MACROD2: variants seen among roughly 807,000 people sequenced by gnomAD.
MACROD2 encodes the protein mono-ADP ribosylhydrolase 2.
A neutral mutation model predicts 70.4 loss-of-function variants in MACROD2; 36 were observed. The ratio of observed to expected loss-of-function variants is 0.51; its 90% CI spans 0.39 to 0.68. The LOEUF is 0.68. Ranked by LOEUF, MACROD2 falls within the 30% of genes least tolerant of loss-of-function variation. MACROD2 has a pLI of 0.00. For synonymous variants in MACROD2, 172 were observed against 178.8 expected (o/e 0.96, Z 0.30); for missense variants, 496 against 538.4 (o/e 0.92, Z 0.78).
intron 10 of MACROD2, among the ~76,000 whole-genome samples, chr20:15,904,866 G>C (rs1235408886): frequency 1.4e-5 from 2 of 139,134 alleles, no homozygotes; most frequent in Non-Finnish European, 3.0e-5. Flanking sequence ...GCGCGAAAGA[G>C]AGAGACTCTG....
At chr20:14,550,508 T>G (rs184350934) in intron 4 of MACROD2, among the ~76,000 whole-genome samples, 34 of 152,248 alleles carry the variant, frequency 2.2e-4, no homozygotes, top group African/African-American at 7.5e-4. Context: ...AGAGAAGACA[T>G]AAGTCTGTGA....
intron 6 of MACROD2, among the ~76,000 whole-genome samples, chr20:15,367,669 T>C (rs1202402813): frequency 6.6e-6 from 1 of 152,158 alleles, no homozygotes; most frequent in African/African-American, 2.4e-5. Context: ...GCCCTGATTA[T>C]AAAATTATAA....
chr20:15,243,950 T>G (rs1351051598), intron 6 of MACROD2, among the ~76,000 whole-genome samples: 1 of 151,782 alleles, frequency 6.6e-6, no homozygotes, highest in Non-Finnish European at 1.5e-5. Flanking sequence ...GAAAGAAAAT[T>G]TTGTGAGCTG....
At chr20:14,657,569 C>T (rs1395617664) in intron 4 of MACROD2, among the ~76,000 whole-genome samples, 2 of 152,116 alleles carry the variant, frequency 1.3e-5, no homozygotes, top group Non-Finnish European at 2.9e-5. Context: ...GTGCCACCTG[C>T]GTGGTTGGGC....
At chr20:14,723,648 C>T (rs2071495266) in intron 5 of MACROD2, among the ~76,000 whole-genome samples, 1 of 150,822 alleles carries the variant, frequency 6.6e-6, no homozygotes, top group Non-Finnish European at 1.5e-5. Context: ...GTTGAATTCT[C>T]CTGGGTAATA....
intron 3 of MACROD2, among the ~76,000 whole-genome samples, chr20:14,312,459 T>A (rs532607485): frequency 6.6e-6 from 1 of 152,224 alleles, no homozygotes. Context: ...GAGACTTCAG[T>A]TGAGGTAATA....
At chr20:14,689,588 A>G (rs2071039408) in intron 5 of MACROD2, among the ~76,000 whole-genome samples, 1 of 152,156 alleles carries the variant, frequency 6.6e-6, no homozygotes, top group African/African-American at 2.4e-5. Flanking sequence ...ATTGCTCACA[A>G]TGGTGTGTCT....
rs115178231 is a variant in MACROD2 at position 15,461,558 on chromosome 20, G to C, written c.571+30123G>C. Among the ~76,000 whole-genome samples the C allele has an allele frequency of 5.7e-3, 874 of 152,266 alleles. 8 individuals are homozygous for C. The highest frequency in any genetic ancestry group is 0.02 in the African/African-American group (820 of 41,554). The stretch of plus-strand genomic sequence containing the variant: ...AAGCTGGAGTACAGTGGACAAGTTA[G>C]TTAACTCTCTTTTAGCCTATTGGTT... On this transcript the variant is annotated intron_variant, in intron 7 of 17. Transcript: ENST00000684519.
At chr20:14,663,785 A>C (rs183046647) in intron 4 of MACROD2, among the ~76,000 whole-genome samples, 1 of 152,180 alleles carries the variant, frequency 6.6e-6, no homozygotes, top group Admixed American at 6.6e-5. Context: ...TTCTCTGATT[A>C]TTTACATCAT....
At chr20:15,846,911 T>TATATATATATATA (rs1491315029) in intron 8 of MACROD2, among the ~76,000 whole-genome samples, 1 of 138,102 alleles carries the variant, frequency 7.2e-6, no homozygotes, top group African/African-American at 2.7e-5. Flanking sequence ...AAAAAAAAAA[T>TATATATATATATA]TATATATATA....
At chr20:15,936,706 G>C (rs1243536707) in intron 11 of MACROD2, among the ~76,000 whole-genome samples, 1 of 134,674 alleles carries the variant, frequency 7.4e-6, no homozygotes, top group Non-Finnish European at 1.5e-5. Flanking sequence ...CCAGTTATCA[G>C]GTATTAAACA....
chr20:14,997,117 C>T (rs2074956400), intron 5 of MACROD2, among the ~76,000 whole-genome samples: 1 of 152,046 alleles, frequency 6.6e-6, no homozygotes, highest in East Asian at 1.9e-4. Context: ...CAGTGCAGCT[C>T]ACAGCACTGG....
intron 4 of MACROD2, chr20:14,547,240 G>A (rs1279256832): frequency 1.7e-6 from 1 of 585,330 alleles, no homozygotes; most frequent in Non-Finnish European, 2.4e-6. Flanking sequence ...CATGCAGGAG[G>A]GACACGTGAA....
chr20:14,982,876 G>A (rs1237615562), intron 5 of MACROD2, among the ~76,000 whole-genome samples: 1 of 152,142 alleles, frequency 6.6e-6, no homozygotes. Flanking sequence ...GTGAGAAGAG[G>A]ATCACTATCC....
At chr20:15,560,705 G>A (rs2048230204) in intron 8 of MACROD2, among the ~76,000 whole-genome samples, 1 of 132,364 alleles carries the variant, frequency 7.6e-6, no homozygotes, top group Non-Finnish European at 1.5e-5. Flanking sequence ...AGAGGTTGCA[G>A]CAGGACTAGA....
chr20:14,601,179 A>G (rs764165180), intron 4 of MACROD2, among the ~76,000 whole-genome samples: 6 of 152,182 alleles, frequency 3.9e-5, no homozygotes, highest in Non-Finnish European at 8.8e-5. Flanking sequence ...AGTGTTGAGC[A>G]GTGGTCCCCA....
chr20:14,100,632 A>G, intron 3 of MACROD2, among the ~76,000 whole-genome samples: 1 of 142,000 alleles, frequency 7.0e-6, no homozygotes, highest in South Asian at 2.2e-4. Context: ...AAAAATATAT[A>G]TTTTTTTTAT....
chr20:14,633,196 T>C (rs77849036), intron 4 of MACROD2, among the ~76,000 whole-genome samples: 5,141 of 152,356 alleles, frequency 0.034, 311 homozygotes, highest in African/African-American at 0.12. Context: ...TTGTCTGGGT[T>C]GAATTTCCCC....
intron 5 of MACROD2, among the ~76,000 whole-genome samples, chr20:15,151,623 A>G (rs4814345): frequency 0.082 from 12,477 of 152,094 alleles, 631 homozygotes; most frequent in Middle Eastern, 0.15. Flanking sequence ...AAAGCATCTC[A>G]GAGTTGCTGC....
Sources: allele counts gnomAD v4.1 joint callset (sites outside exome capture counted in the v4.1 genomes callset), GRCh38; gene constraint gnomAD v4.1.1; transcripts MANE v1.5; gene names NCBI Gene and HGNC (gene_info 2026-07-23, HGNC 2026-07-21).